The following SUMF1 variants were observed in gnomAD, a reference collection of about 807,000 sequenced individuals.
The protein encoded by SUMF1 is formylglycine-generating enzyme.
SUMF1 carries 48 observed loss-of-function variants against 47.6 expected under a neutral mutation model. The ratio of observed to expected loss-of-function variants is 1.01; its 90% CI spans 0.80 to 1.28. The LOEUF (loss-of-function observed/expected upper bound fraction) is 1.28, where lower values mean the gene tolerates loss of function less well. Ranked by LOEUF, SUMF1 falls within the 50% of genes most tolerant of loss-of-function variation. The pLI is 0.00. For missense variants in SUMF1, 571 were observed against 485.4 expected (o/e 1.18, Z -1.66); for synonymous variants, 230 against 192.1 (o/e 1.20, Z -1.63).
intron 8 of SUMF1, among the ~76,000 whole-genome samples, chr3:4,071,523 C>T (rs541658425): frequency 6.6e-6 from 1 of 152,306 alleles, no homozygotes; most frequent in South Asian, 2.1e-4. Flanking sequence ...AGGTCCCATG[C>T]CCACAGAGCC....
At chr3:4,320,862 T>C (rs963443899) in intron 8 of SUMF1, among the ~76,000 whole-genome samples, 4 of 151,764 alleles carry the variant, frequency 2.6e-5, no homozygotes, top group South Asian at 2.1e-4. Context: ...CTTATGGGAG[T>C]AGGGTGAGAA....
intron 8 of SUMF1, among the ~76,000 whole-genome samples, chr3:4,133,372 T>A (rs1056969599): frequency 6.6e-6 from 1 of 152,120 alleles, no homozygotes; most frequent in African/African-American, 2.4e-5. Flanking sequence ...TTATGTATGA[T>A]CTCAGGAGAT....
chr3:4,333,684 T>C (rs1699091416), intron 8 of SUMF1, among the ~76,000 whole-genome samples: 1 of 152,052 alleles, frequency 6.6e-6, no homozygotes, highest in Non-Finnish European at 1.5e-5. Context: ...GCCCATTTTG[T>C]GATCGGCCCA....
At chr3:4,034,753 T>C (rs191446097) in intron 9 of SUMF1, among the ~76,000 whole-genome samples, 10 of 152,034 alleles carry the variant, frequency 6.6e-5, no homozygotes, top group Non-Finnish European at 8.8e-5. Flanking sequence ...TGAACTACAA[T>C]ACAGGACAGA....
chr3:4,382,478 A>G (rs1210416831), intron 7 of SUMF1, among the ~76,000 whole-genome samples: 1 of 152,190 alleles, frequency 6.6e-6, no homozygotes, highest in African/African-American at 2.4e-5. Context: ...AACCCAGGCC[A>G]TGGGAAATTC....
chr3:4,036,108 C>A (rs1694789030), intron 9 of SUMF1, among the ~76,000 whole-genome samples: 1 of 152,038 alleles, frequency 6.6e-6, no homozygotes, highest in Admixed American at 6.6e-5. Flanking sequence ...TTAGCTCCCA[C>A]TAGAATATGA....
chr3:4,386,762 A>G (rs926102539), intron 7 of SUMF1, among the ~76,000 whole-genome samples: 2 of 151,954 alleles, frequency 1.3e-5, no homozygotes, highest in African/African-American at 4.8e-5. Context: ...CTCTTTACTA[A>G]GTTTGAGAAA....
intron 8 of SUMF1, among the ~76,000 whole-genome samples, chr3:4,220,249 C>G (rs767400352): frequency 6.6e-6 from 1 of 152,064 alleles, no homozygotes; most frequent in Admixed American, 6.6e-5. Flanking sequence ...GCACTTCATA[C>G]GAGGGGATTT....
At chr3:4,294,152 A>G (rs1697793834) in intron 8 of SUMF1, among the ~76,000 whole-genome samples, 1 of 152,218 alleles carries the variant, frequency 6.6e-6, no homozygotes, top group Non-Finnish European at 1.5e-5. Flanking sequence ...AAATATGTGT[A>G]ATGTTTAAGT....
At chr3:4,050,221 C>T (rs1695081531) in intron 9 of SUMF1, among the ~76,000 whole-genome samples, 1 of 151,716 alleles carries the variant, frequency 6.6e-6, no homozygotes, top group Non-Finnish European at 1.5e-5. Context: ...GCCAGGGAAC[C>T]ACCCTTTTCT....
chr3:4,444,199 C>G (rs574238481), intron 3 of SUMF1, among the ~76,000 whole-genome samples: 90 of 152,160 alleles, frequency 5.9e-4, no homozygotes, highest in Non-Finnish European at 9.3e-4. Context: ...TAAATGTGAA[C>G]CAAAGATTTC....
intron 8 of SUMF1, among the ~76,000 whole-genome samples, chr3:4,077,269 C>T (rs1345999403): frequency 6.6e-6 from 1 of 152,076 alleles, no homozygotes; most frequent in Non-Finnish European, 1.5e-5. Flanking sequence ...GGATCTAGAA[C>T]TAGAAATACC....
rs535021700 is a variant in SUMF1 at position 4,303,244 on chromosome 3, C to T, written c.1014+73086G>A. 4,221 of 1,074,258 alleles carry T rather than the reference C, an allele frequency of 3.9e-3. 36 individuals are homozygous for T. In the Middle Eastern group the frequency reaches 0.041, roughly 10 times the overall value. The allele number at this position is 1,074,258 out of a possible 1,614,324, so 66.5% of individuals were successfully genotyped here. A position where few individuals can be genotyped will look rare whatever the true frequency, so the allele number is the denominator to read the frequency against. The stretch of plus-strand genomic sequence containing the variant: ...AAAGTCAAGGAAGGGAAGCGCCTTC[C>T]AGGCCACTCCTGAGAAGAAACGAAC... On this transcript the variant is annotated intron_variant and NMD_transcript_variant, in intron 8 of 12. Transcript: ENST00000448413.
intron 8 of SUMF1, among the ~76,000 whole-genome samples, chr3:4,304,772 A>T (rs1045633447): frequency 6.6e-6 from 1 of 152,166 alleles, no homozygotes; most frequent in African/African-American, 2.4e-5. Flanking sequence ...CAAACTCTAA[A>T]ATATTTGAAG....
intron 8 of SUMF1, among the ~76,000 whole-genome samples, chr3:4,366,150 T>C (rs1352021675): frequency 6.6e-6 from 1 of 151,900 alleles, no homozygotes; most frequent in Non-Finnish European, 1.5e-5. Flanking sequence ...GCCCTTAGCA[T>C]TTTTTCCTTC....
At chr3:4,093,393 T>A (rs1282529141) in intron 8 of SUMF1, among the ~76,000 whole-genome samples, 1 of 151,850 alleles carries the variant, frequency 6.6e-6, no homozygotes, top group East Asian at 1.9e-4. Context: ...AACTGACAAA[T>A]CAATAATTCA....
At chr3:4,248,762 A>G (rs1484898131) in intron 8 of SUMF1, among the ~76,000 whole-genome samples, 5 of 152,204 alleles carry the variant, frequency 3.3e-5, no homozygotes, top group Non-Finnish European at 2.9e-5. Context: ...ATTGAAGAAA[A>G]AGAGAACTAT....
At chr3:4,368,820 T>C (rs1700073914) in intron 8 of SUMF1, among the ~76,000 whole-genome samples, 1 of 152,142 alleles carries the variant, frequency 6.6e-6, no homozygotes, top group Non-Finnish European at 1.5e-5. Context: ...ATAACCACGC[T>C]TGAAACTCTT....
rs756042978 is a variant in SUMF1 at position 4,376,384 on chromosome 3, ACCTTTCT to A, written c.955-2_959del. On this transcript the variant is annotated splice_acceptor_variant and coding_sequence_variant, in exon 8 of 9. Coordinates refer to ENST00000272902, the MANE Select transcript of SUMF1 (RefSeq NM_182760.4). LOFTEE classifies it high-confidence loss of function. ...TCACTCGGTCTTTCCCAGAAGGGGG[ACCTTTCT>A]ACAGATGAAGAAAAAAGGCTATGTT... The A allele has an allele frequency of 3.1e-6, 5 of 1,613,972 alleles. No individual in the cohort carries two copies. In the South Asian group the frequency reaches 5.5e-5, roughly 18 times the overall value.
Sources: allele counts gnomAD v4.1 joint callset (sites outside exome capture counted in the v4.1 genomes callset), GRCh38; gene constraint gnomAD v4.1.1; transcripts MANE v1.5; gene names NCBI Gene and HGNC (gene_info 2026-07-23, HGNC 2026-07-21).